Variants in LUZP2 observed in about 807,000 individuals in gnomAD.
The protein encoded by LUZP2 is leucine zipper protein 2.
LUZP2 carries 52 observed loss-of-function variants against 51.6 expected under a neutral mutation model. That is an observed-to-expected ratio of 1.01 (90% confidence interval 0.81 to 1.27). The LOEUF is 1.27. Among genes scored for constraint, LUZP2 ranks in the 50% most tolerant of loss-of-function variants. The probability of loss-of-function intolerance (pLI) is 0.00; values close to 1 mark genes in which losing one functional copy is unlikely to be tolerated. For missense variants in LUZP2, 436 were observed against 395.4 expected (o/e 1.10, Z -0.87); for synonymous variants, 154 against 137.3 (o/e 1.12, Z -0.85).
At chr11:24,623,820 C>G (rs995732202) in intron 1 of LUZP2, among the ~76,000 whole-genome samples, 1 of 152,082 alleles carries the variant, frequency 6.6e-6, no homozygotes, top group African/African-American at 2.4e-5. Context: ...GCACTCCAGC[C>G]TGGGCGACAG....
chr11:24,557,032 C>T (rs143617993), intron 1 of LUZP2, among the ~76,000 whole-genome samples: 1 of 152,264 alleles, frequency 6.6e-6, no homozygotes, highest in African/African-American at 2.4e-5. Context: ...ATGTCTTATT[C>T]TAGCTACCAC....
intron 5 of LUZP2, among the ~76,000 whole-genome samples, chr11:24,868,923 G>A (rs903353902): frequency 6.6e-6 from 1 of 152,136 alleles, no homozygotes; most frequent in African/African-American, 2.4e-5. Flanking sequence ...ATATGGAAGA[G>A]CAACAAAATA....
intron 7 of LUZP2, among the ~76,000 whole-genome samples, chr11:24,963,180 G>T (rs940238657): frequency 6.6e-6 from 1 of 152,162 alleles, no homozygotes; most frequent in Non-Finnish European, 1.5e-5. Flanking sequence ...CTACTGGGGG[G>T]TACCTCCCAG....
intron 9 of LUZP2, among the ~76,000 whole-genome samples, chr11:25,012,007 G>C (rs1027544597): frequency 6.6e-6 from 1 of 152,146 alleles, no homozygotes; most frequent in South Asian, 2.1e-4. Context: ...AGACACAAAA[G>C]GCAGCATTCC....
chr11:24,943,910 A>G (rs1020883747), intron 7 of LUZP2, among the ~76,000 whole-genome samples: 3 of 151,446 alleles, frequency 2.0e-5, no homozygotes, highest in Admixed American at 2.0e-4. Flanking sequence ...ATTAAGTGCC[A>G]CAGTCTATTA....
intron 1 of LUZP2, among the ~76,000 whole-genome samples, chr11:24,530,563 A>G (rs1850960296): frequency 6.6e-6 from 1 of 150,884 alleles, no homozygotes; most frequent in Non-Finnish European, 1.5e-5. Context: ...AAAAACAAGA[A>G]TCTGCATTTG....
At chr11:24,793,674 G>T (rs1471351146) in intron 5 of LUZP2, among the ~76,000 whole-genome samples, 1 of 152,086 alleles carries the variant, frequency 6.6e-6, no homozygotes, top group Non-Finnish European at 1.5e-5. Context: ...AAATATTAAG[G>T]CAGTCTTGCC....
chr11:24,635,227 T>C (rs1393751966), intron 1 of LUZP2, among the ~76,000 whole-genome samples: 2 of 152,004 alleles, frequency 1.3e-5, no homozygotes, highest in Non-Finnish European at 2.9e-5. Flanking sequence ...AATCTACCAA[T>C]TTCACTTTTT....
intron 1 of LUZP2, among the ~76,000 whole-genome samples, chr11:24,649,948 C>G (rs1855574624): frequency 7.0e-6 from 1 of 143,736 alleles, no homozygotes; most frequent in Non-Finnish European, 1.5e-5. Context: ...TATACACACA[C>G]AGACACAGAC....
chr11:25,013,087 C>G (rs918785468), intron 9 of LUZP2, among the ~76,000 whole-genome samples: 1 of 151,962 alleles, frequency 6.6e-6, no homozygotes, highest in Non-Finnish European at 1.5e-5. Flanking sequence ...TGGATGAAAC[C>G]GGTTGTCATT....
intron 5 of LUZP2, among the ~76,000 whole-genome samples, chr11:24,845,688 GA>G (rs1851177020): frequency 1.3e-5 from 2 of 152,142 alleles, no homozygotes; most frequent in Non-Finnish European, 2.9e-5. Flanking sequence ...TTGTGATGGT[GA>G]ATGAGTTGCA....
At chr11:24,733,660 T>C (rs1351643542) in intron 3 of LUZP2, among the ~76,000 whole-genome samples, 2 of 151,514 alleles carry the variant, frequency 1.3e-5, no homozygotes, top group African/African-American at 4.8e-5. Flanking sequence ...GGCTAAAGAA[T>C]ATTAAATTTC....
chr11:24,514,209 G>GTT (rs1452400392), intron 1 of LUZP2, among the ~76,000 whole-genome samples: 1 of 152,112 alleles, frequency 6.6e-6, no homozygotes, highest in African/African-American at 2.4e-5. Flanking sequence ...TAACTAGTTG[G>GTT]TTGTGTGTGT....
chr11:24,888,970 G>A (rs556139100), intron 5 of LUZP2, among the ~76,000 whole-genome samples: 84 of 152,216 alleles, frequency 5.5e-4, no homozygotes, highest in African/African-American at 2.0e-3. Flanking sequence ...TGAACTGTGA[G>A]TCAGTTAAAA....
At chr11:24,927,865 A>G (rs1227949511) in intron 7 of LUZP2, among the ~76,000 whole-genome samples, 1 of 152,108 alleles carries the variant, frequency 6.6e-6, no homozygotes, top group Admixed American at 6.6e-5. Context: ...CTACCCATCC[A>G]TGAGCATGGG....
chr11:24,532,706 A>G (rs1851047662), intron 1 of LUZP2, among the ~76,000 whole-genome samples: 1 of 151,062 alleles, frequency 6.6e-6, no homozygotes, highest in Non-Finnish European at 1.5e-5. Context: ...GGCAGTTCAA[A>G]TGTAATAACT....
At chr11:24,504,305 C>A (rs1053187333) in intron 1 of LUZP2, among the ~76,000 whole-genome samples, 2 of 152,134 alleles carry the variant, frequency 1.3e-5, no homozygotes, top group African/African-American at 4.8e-5. Flanking sequence ...ATGTTCATAC[C>A]TGGCTTTAAT....
intron 1 of LUZP2, among the ~76,000 whole-genome samples, chr11:24,540,567 G>A (rs908619416): frequency 1.3e-5 from 2 of 152,122 alleles, no homozygotes; most frequent in African/African-American, 2.4e-5. Context: ...CCAGCATCCA[G>A]AAGTGTGAGA....
At chr11:24,588,847 A>T (rs968460095) in intron 1 of LUZP2, among the ~76,000 whole-genome samples, 4 of 151,446 alleles carry the variant, frequency 2.6e-5, no homozygotes, top group South Asian at 2.1e-4. Flanking sequence ...AATCTCAATA[A>T]TTTTTTTTTA....
Sources: gnomAD v4.1 joint callset for allele counts (sites outside exome capture counted in the v4.1 genomes callset) on GRCh38, gnomAD v4.1.1 for gene constraint, MANE v1.5 for transcripts, NCBI Gene and HGNC (gene_info 2026-07-23, HGNC 2026-07-21) for gene names.